DACH1: variants seen among roughly 807,000 people sequenced by gnomAD.
DACH1 encodes dachshund homolog 1.
DACH1 carries 12 observed loss-of-function variants against 54.2 expected under a neutral mutation model. The observed-to-expected ratio is 0.22, with a 90% CI of 0.14 to 0.36. The LOEUF (loss-of-function observed/expected upper bound fraction) is 0.36. Among genes scored for constraint, DACH1 ranks in the 10% least tolerant of loss-of-function variants. The pLI is 1.00. For synonymous variants in DACH1, 386 were observed against 366.2 expected (o/e 1.05, Z -0.62); for missense variants, 805 against 929.8 (o/e 0.87, Z 1.75).
chr13:71,534,824 A>G (rs1004979921), intron 6 of DACH1, among the ~76,000 whole-genome samples: 1 of 151,832 alleles, frequency 6.6e-6, no homozygotes, highest in African/African-American at 2.4e-5. Flanking sequence ...AACGAAAAAC[A>G]AGTTGAAATT....
intron 6 of DACH1, among the ~76,000 whole-genome samples, chr13:71,528,425 C>CTT (rs71198120): frequency 0.19 from 21,537 of 111,102 alleles, 3,115 homozygotes; most frequent in East Asian, 0.24. Flanking sequence ...AACAGATTTT[C>CTT]TTTTTTTTTT....
intron 8 of DACH1, among the ~76,000 whole-genome samples, chr13:71,478,079 AC>A (rs1204531587): frequency 4.6e-5 from 7 of 152,234 alleles, no homozygotes; most frequent in African/African-American, 1.7e-4. Flanking sequence ...AAAGGACTAA[AC>A]AAAATTAAGT....
chr13:71,635,087 T>A (rs1877378867), intron 2 of DACH1, among the ~76,000 whole-genome samples: 1 of 152,178 alleles, frequency 6.6e-6, no homozygotes, highest in Non-Finnish European at 1.5e-5. Context: ...ATATTGTCAC[T>A]GAATGAACAA....
At chr13:71,490,797 A>C (rs1878915049) in intron 6 of DACH1, among the ~76,000 whole-genome samples, 1 of 152,198 alleles carries the variant, frequency 6.6e-6, no homozygotes, top group Non-Finnish European at 1.5e-5. Context: ...ATATATGTGC[A>C]TGTGAAATTG....
intron 2 of DACH1, among the ~76,000 whole-genome samples, chr13:71,663,792 A>G (rs1264199721): frequency 1.3e-5 from 2 of 152,078 alleles, no homozygotes; most frequent in South Asian, 2.1e-4. Context: ...TAAAAAACCA[A>G]TTCACCAGGT....
At chr13:71,670,157 C>G (rs193095044) in intron 2 of DACH1, among the ~76,000 whole-genome samples, 1 of 152,018 alleles carries the variant, frequency 6.6e-6, no homozygotes, top group Non-Finnish European at 1.5e-5. Context: ...TATATCAACA[C>G]GTGAACATGA....
chr13:71,715,023 A>T (rs182358156), intron 1 of DACH1, among the ~76,000 whole-genome samples: 1 of 152,186 alleles, frequency 6.6e-6, no homozygotes, highest in African/African-American at 2.4e-5. Flanking sequence ...TATCTATCTC[A>T]TTTAAATTCC....
intron 10 of DACH1, among the ~76,000 whole-genome samples, chr13:71,443,737 C>A (rs1424318249): frequency 2.0e-5 from 3 of 151,970 alleles, no homozygotes; most frequent in African/African-American, 7.3e-5. Flanking sequence ...CCTCTTTGGC[C>A]CCTAACTGTC....
chr13:71,814,292 A>G (rs1278962405), intron 1 of DACH1, among the ~76,000 whole-genome samples: 7 of 152,232 alleles, frequency 4.6e-5, no homozygotes, highest in Non-Finnish European at 8.8e-5. Flanking sequence ...TAACCAACCC[A>G]ACCTATAAGA....
intron 10 of DACH1, among the ~76,000 whole-genome samples, chr13:71,463,704 A>C (rs943638163): frequency 2.6e-5 from 4 of 151,976 alleles, no homozygotes; most frequent in African/African-American, 9.7e-5. Context: ...TGTAAACCTT[A>C]AATTGCTTTG....
intron 4 of DACH1, among the ~76,000 whole-genome samples, chr13:71,563,617 AT>A (rs1884729066): frequency 6.6e-6 from 1 of 151,878 alleles, no homozygotes; most frequent in Non-Finnish European, 1.5e-5. Flanking sequence ...TCAGTTACTC[AT>A]TTACACATCC....
chr13:71,702,152 C>T (rs1882170137), intron 1 of DACH1, among the ~76,000 whole-genome samples: 1 of 152,122 alleles, frequency 6.6e-6, no homozygotes, highest in Non-Finnish European at 1.5e-5. Context: ...ATACACCAAG[C>T]TCAAATTATT....
chr13:71,505,573 A>G (rs1181173600), intron 6 of DACH1, among the ~76,000 whole-genome samples: 3 of 152,212 alleles, frequency 2.0e-5, no homozygotes, highest in Non-Finnish European at 2.9e-5. Flanking sequence ...ATAGGTACAT[A>G]TAGGTATATC....
At chr13:71,556,989 T>A (rs753894975) in intron 6 of DACH1, 35 bp downstream of exon 6, 1 of 1,545,504 alleles carries the variant, frequency 6.5e-7, no homozygotes, top group Non-Finnish European at 8.7e-7. Context: ...ATCTATTGAA[T>A]CGGGAAAAAC....
chr13:71,590,905 G>C (rs1441775794), intron 3 of DACH1, among the ~76,000 whole-genome samples: 3 of 98,226 alleles, frequency 3.1e-5, no homozygotes, highest in Non-Finnish European at 5.7e-5. Context: ...TTTTGAGATA[G>C]AGTCTGGCTG....
intron 2 of DACH1, among the ~76,000 whole-genome samples, chr13:71,666,048 C>T (rs1371888242): frequency 2.0e-5 from 3 of 152,094 alleles, no homozygotes; most frequent in Admixed American, 1.3e-4. Flanking sequence ...TTGTTTTAAC[C>T]AATTTATTAT....
chr13:71,479,592 T>A lies in DACH1; in HGVS notation c.1723-276A>T, dbSNP rs74095947. ...AGCTAAGTAGATATTCTAATTAGAA[T>A]ATCTAGATCCAAAGCTAAATAAGGG... On this transcript the variant is annotated intron_variant, in intron 7 of 10. Coordinates refer to ENST00000613252, the MANE Select transcript of DACH1 (RefSeq NM_080759.6). Among the ~76,000 whole-genome samples, 466 of 152,294 alleles carry A rather than the reference T, an allele frequency of 3.1e-3. 2 individuals are homozygous for A. The highest frequency in any genetic ancestry group is 0.011 in the African/African-American group (438 of 41,568).
intron 10 of DACH1, among the ~76,000 whole-genome samples, chr13:71,472,546 G>A (rs1877176363): frequency 6.6e-6 from 1 of 152,160 alleles, no homozygotes; most frequent in African/African-American, 2.4e-5. Context: ...AAACCTGTGG[G>A]CTTATTTTGT....
intron 1 of DACH1, among the ~76,000 whole-genome samples, chr13:71,754,306 A>T (rs1885051102): frequency 6.6e-6 from 1 of 152,186 alleles, no homozygotes; most frequent in African/African-American, 2.4e-5. Context: ...CTCTAAAAAT[A>T]TGAGATATGC....
Sources: allele counts gnomAD v4.1 joint callset (sites outside exome capture counted in the v4.1 genomes callset), GRCh38; gene constraint gnomAD v4.1.1; transcripts MANE v1.5; gene names NCBI Gene and HGNC (gene_info 2026-07-23, HGNC 2026-07-21).